ANO1: variants seen among roughly 807,000 people sequenced by gnomAD.
ANO1 encodes the protein anoctamin 1, also known as anoctamin-1.
A neutral mutation model predicts 124.0 loss-of-function variants in ANO1; 59 were observed. The observed-to-expected ratio is 0.48, with a 90% CI of 0.39 to 0.59. The LOEUF (loss-of-function observed/expected upper bound fraction) is 0.59, where lower values mean the gene tolerates loss of function less well. ANO1 is among the 20% of genes least tolerant of loss of function. ANO1 has a pLI of 0.00. For missense variants in ANO1, 1,059 were observed against 1,328.0 expected, an observed-to-expected ratio of 0.80 and a Z score of 3.15; for synonymous variants, 529 against 532.0, an observed-to-expected ratio of 0.99 and a Z score of 0.08.
At chr11:70,174,941 A>AAAAGG in intron 22 of ANO1, among the ~76,000 whole-genome samples, 1 of 149,438 alleles carries the variant, frequency 6.7e-6, no homozygotes, top group Middle Eastern at 3.5e-3. Context: ...AAAAGAAAAG[A>AAAAGG]AAAGAAGAGT....
chr11:69,971,786 C>G, the ANO1 span, among the ~76,000 whole-genome samples: 1 of 152,046 alleles, frequency 6.6e-6, no homozygotes, highest in South Asian at 2.1e-4. Context: ...GGGTGTCCTC[C>G]CCGTGTGTTT....
intron 1 of ANO1, among the ~76,000 whole-genome samples, chr11:70,000,796 G>A (rs137973669): frequency 9.2e-5 from 14 of 152,130 alleles, no homozygotes; most frequent in Admixed American, 3.3e-4. Context: ...ACTATCCCAC[G>A]CTCCCTTCCC....
chr11:70,051,630 G>A (rs780708314), intron 1 of ANO1, among the ~76,000 whole-genome samples: 7 of 152,290 alleles, frequency 4.6e-5, no homozygotes, highest in East Asian at 1.9e-4. Flanking sequence ...GTGGTTTTAC[G>A]CTGTGTCTTT....
At chr11:69,985,393 G>A (rs1297776543), upstream of ANO1, among the ~76,000 whole-genome samples, 6 of 152,136 alleles carry the variant, frequency 3.9e-5, no homozygotes, top group Admixed American at 1.3e-4. Flanking sequence ...CAGGACCCCA[G>A]TGACCTGTAA....
chr11:70,062,913 G>T (rs545451420), intron 1 of ANO1, among the ~76,000 whole-genome samples: 34 of 152,042 alleles, frequency 2.2e-4, no homozygotes, highest in East Asian at 5.8e-4. Context: ...TTGTTTTTTT[G>T]TTGTTGTTGT....
At chr11:70,179,892 C>A in intron 22 of ANO1, 112 bp from the exon 23 acceptor site, 2 of 965,128 alleles carry the variant, frequency 2.1e-6, no homozygotes, top group Non-Finnish European at 3.3e-6. Flanking sequence ...CCTCTGACTG[C>A]TGTGAGAAAG....
At chr11:70,182,236 C>T (rs2048954737) in intron 23 of ANO1, among the ~76,000 whole-genome samples, 1 of 152,262 alleles carries the variant, frequency 6.6e-6, no homozygotes, top group African/African-American at 2.4e-5. Flanking sequence ...CAAGAGGCTG[C>T]CAGCGTCTGC....
chr11:69,984,675 GTGGTCTGTCCT>G (rs1473134209), upstream of ANO1, among the ~76,000 whole-genome samples: 12 of 152,322 alleles, frequency 7.9e-5, no homozygotes, highest in Admixed American at 7.8e-4. Context: ...CCGCGGGGAT[GTGGTCTGTCCT>G]CCAGGGGTAG....
At chr11:70,165,675 T>A in intron 20 of ANO1, 105 bp downstream of exon 20, 1 of 860,316 alleles carries the variant, frequency 1.2e-6, no homozygotes, top group Non-Finnish European at 1.8e-6. Context: ...TCAACCAAGA[T>A]GGGGGCACTA....
intron 1 of ANO1, among the ~76,000 whole-genome samples, chr11:70,013,374 C>T (rs1856635177): frequency 6.6e-6 from 1 of 151,262 alleles, no homozygotes; most frequent in Non-Finnish European, 1.5e-5. Context: ...AGGGCCACAC[C>T]AGGCTTGCCT....
intron 1 of ANO1, among the ~76,000 whole-genome samples, chr11:70,035,529 T>C (rs1241991872): frequency 6.6e-6 from 1 of 151,448 alleles, no homozygotes; most frequent in Non-Finnish European, 1.5e-5. Context: ...GCTATATATA[T>C]ATATATATAC....
At position 70,156,986 on chromosome 11, in the gene ANO1, G is replaced by A; in HGVS notation, c.1543G>A (p.Ala515Thr). Residue 515 changes from alanine to threonine, a missense_variant, in exon 16 of 26, where the codon GCC becomes ACC. By Grantham distance (58) the Ala-to-Thr change is moderately conservative. This residue lies in a region of ANO1 where 809 missense variants were observed against 1,094.9 expected (regional missense o/e 0.74). Transcript: ENST00000355303. ...GCTGACATGGAGAGATCGGTTCCCA[G>A]CCTACCTCACTAACTTGGTCTCCAT... ...VKLTWRDRFPAYLTNLVSIIF... is the reference protein window; with the variant it reads ...VKLTWRDRFPTYLTNLVSIIF... 1 of 1,613,756 alleles carries A rather than the reference G, an allele frequency of 6.2e-7. No homozygotes were observed. The highest frequency in any genetic ancestry group is 8.5e-7 in the Non-Finnish European group (1 of 1,179,826).
At chr11:70,133,454 A>G (rs2509177) in intron 11 of ANO1, among the ~76,000 whole-genome samples, 35,651 of 152,126 alleles carry the variant, frequency 0.23, 4,429 homozygotes, top group African/African-American at 0.32. Context: ...GAGGAGGTTC[A>G]GAGGATGAAG....
At chr11:70,178,844 G>A (rs1426322760) in intron 22 of ANO1, among the ~76,000 whole-genome samples, 1 of 152,228 alleles carries the variant, frequency 6.6e-6, no homozygotes, top group Non-Finnish European at 1.5e-5. Flanking sequence ...GATTATAGGC[G>A]TGAGCCACCA....
chr11:70,128,012 A>G (rs1367181444), intron 10 of ANO1, among the ~76,000 whole-genome samples: 1 of 152,236 alleles, frequency 6.6e-6, no homozygotes, highest in Non-Finnish European at 1.5e-5. Flanking sequence ...GCAGAGGTAT[A>G]GTTTAGAAAA....
intron 2 of ANO1, among the ~76,000 whole-genome samples, chr11:70,101,329 G>A (rs148855252): frequency 1.3e-5 from 2 of 151,892 alleles, no homozygotes; most frequent in African/African-American, 2.4e-5. Context: ...GCCGAGGCAG[G>A]CAGATCGCCT....
Position 70,156,976 on chromosome 11 carries a change from T to C in ANO1, c.1533T>C (p.Asp511=). The change falls in exon 16 of 26, where the codon GAT becomes GAC. Residue 511 remains aspartate, a synonymous_variant. Coordinates refer to ENST00000355303, the MANE Select transcript of ANO1 (RefSeq NM_018043.7). ...ACAAAGTGAAGCTGACATGGAGAGA[T>C]CGGTTCCCAGCCTACCTCACTAACT... ...LTDKVKLTWR[D]RFPAYLTNLV... 6.2e-7 allele frequency: 1 copy of C among 1,613,702 alleles called. No individual in the cohort carries two copies. The highest frequency in any genetic ancestry group is 1.3e-5 in the African/African-American group (1 of 75,010).
Position 70,170,958 on chromosome 11 carries a change from A to G in ANO1, c.2269A>G (p.Asn757Asp), listed in dbSNP as rs1246907873. 33 of 1,613,332 alleles carry G rather than the reference A, an allele frequency of 2.0e-5. No individual in the cohort carries two copies. Among genetic ancestry groups the G allele is most frequent in the Non-Finnish European group, 2.7e-5 (32 of 1,179,720 alleles). ...GGCCCCACTGTTTGCGCTGCTGAAC[A>G]ACATCATCGAGATCCGCCTGGACGC... ...PLAPLFALLN[N>D]IIEIRLDAKK... is the part of the protein sequence containing the mutation. Residue 757 changes from asparagine (N) to aspartate (D), a missense_variant, in exon 22 of 26, where the codon AAC becomes GAC. By Grantham distance (23) the Asn-to-Asp change is conservative. Transcript: ENST00000355303.
At position 70,182,550 on chromosome 11, in the gene ANO1, C is replaced by A; in HGVS notation, c.2452C>A (p.Leu818Ile). ...TGACTTCATCCCGCGCCTGGTGTAC[C>A]TCTACATGTACAGTAAGAACGGGAC... ...TSDFIPRLVY[L>I]YMYSKNGTMH... is the part of the protein sequence containing the mutation. The change falls in exon 24 of 26, where the codon CTC becomes ATC. Residue 818 changes from leucine (L) to isoleucine (I), a missense_variant. By Grantham distance (5) the Leu-to-Ile change is conservative. Coordinates refer to ENST00000355303, the MANE Select transcript of ANO1 (RefSeq NM_018043.7). 6.2e-7 allele frequency: 1 copy of A among 1,611,438 alleles called. No individual in the cohort carries two copies. The highest frequency in any genetic ancestry group is 8.5e-7 in the Non-Finnish European group (1 of 1,178,740).
Sources: gnomAD v4.1 joint callset for allele counts (sites outside exome capture counted in the v4.1 genomes callset) on GRCh38, gnomAD v4.1.1 for gene constraint, gnomAD v4.1.1 regional missense constraint, MANE v1.5 for transcripts, NCBI Gene and HGNC (gene_info 2026-07-23, HGNC 2026-07-21) for gene names.